The following ACER2 variants were observed in gnomAD, a reference collection of about 807,000 sequenced individuals.
ACER2 encodes alkCDase 2.
ACER2 carries 26 observed loss-of-function variants against 34.7 expected under a neutral mutation model. The ratio of observed to expected loss-of-function variants is 0.75; its 90% CI spans 0.55 to 1.04. The LOEUF (loss-of-function observed/expected upper bound fraction) is 1.04, where lower values mean the gene tolerates loss of function less well. ACER2 is among the 50% of genes least tolerant of loss of function. ACER2 has a pLI of 0.00. For missense variants in ACER2, 352 were observed against 340.8 expected, an observed-to-expected ratio of 1.03 and a Z score of -0.26; for synonymous variants, 138 against 132.1, an observed-to-expected ratio of 1.04 and a Z score of -0.31.
chr9:19,409,167 C>G lies in ACER2; in HGVS notation c.83C>G (p.Pro28Arg), dbSNP rs947646593. Residue 28 changes from proline (P) to arginine (R), a missense_variant, in exon 1 of 6, where the codon CCT becomes CGT. Transcript: ENST00000340967. ...DWCEDNYTIV[P>R]AIAEFYNTIS... ...TGCGAGGACAACTACACCATCGTGCCTGCTATCGCCGAGTTCTACAACACG... is the reference window on the plus strand; with the variant it reads ...TGCGAGGACAACTACACCATCGTGCGTGCTATCGCCGAGTTCTACAACACG... 1 of 1,602,882 alleles carries G rather than the reference C, an allele frequency of 6.2e-7. No individual in the cohort carries two copies. The highest frequency in any genetic ancestry group is 1.3e-5 in the African/African-American group (1 of 74,864).
intron 4 of ACER2, among the ~76,000 whole-genome samples, chr9:19,444,071 C>T (rs1054996287): frequency 3.3e-5 from 5 of 151,166 alleles, no homozygotes; most frequent in Middle Eastern, 3.4e-3. Flanking sequence ...CAGGGGTGTC[C>T]GCTCTTTTGG....
chr9:19,431,349 A>G (rs535961699), intron 3 of ACER2, among the ~76,000 whole-genome samples: 2 of 152,294 alleles, frequency 1.3e-5, no homozygotes, highest in African/African-American at 2.4e-5. Context: ...ATTTGAATGC[A>G]TATCGGTCTC....
intron 3 of ACER2, among the ~76,000 whole-genome samples, chr9:19,430,208 C>T (rs1206663723): frequency 6.9e-6 from 1 of 144,422 alleles, no homozygotes; most frequent in Non-Finnish European, 1.5e-5. Context: ...GGGACACAGG[C>T]TATAGGCTTG....
intron 4 of ACER2, 54 bp downstream of exon 4, chr9:19,435,138 C>A (rs1207074503): frequency 1.3e-6 from 2 of 1,591,098 alleles, no homozygotes; most frequent in Non-Finnish European, 1.7e-6. Flanking sequence ...GGGAACACAC[C>A]AGTTCGGGGC....
intron 1 of ACER2, among the ~76,000 whole-genome samples, chr9:19,412,961 C>T (rs1354529751): frequency 6.6e-6 from 1 of 152,150 alleles, no homozygotes; most frequent in Non-Finnish European, 1.5e-5. Flanking sequence ...TGAATATCCT[C>T]ATTCATGCAT....
chr9:19,436,166 C>T (rs1015637593), intron 4 of ACER2, among the ~76,000 whole-genome samples: 5 of 151,916 alleles, frequency 3.3e-5, no homozygotes, highest in Non-Finnish European at 7.4e-5. Flanking sequence ...GTCCTCTTGC[C>T]TCAGCGTCCC....
intron 4 of ACER2, among the ~76,000 whole-genome samples, chr9:19,441,740 G>T (rs1217581171): frequency 1.3e-5 from 2 of 152,144 alleles, no homozygotes; most frequent in African/African-American, 4.8e-5. Flanking sequence ...CAGGGACGGG[G>T]TCTCTTTTTT....
intron 1 of ACER2, among the ~76,000 whole-genome samples, chr9:19,419,472 G>C (rs1185582397): frequency 6.6e-6 from 1 of 152,066 alleles, no homozygotes. Flanking sequence ...GCAACAAAGT[G>C]AACCAACTAA....
intron 5 of ACER2, among the ~76,000 whole-genome samples, chr9:19,448,348 A>G (rs1831442794): frequency 6.6e-6 from 1 of 152,078 alleles, no homozygotes; most frequent in Admixed American, 6.6e-5. Context: ...TTAAATCTAT[A>G]CTACATAGAT....
chr9:19,426,264 TTCTTTCTTTC>T (rs1481166773), intron 3 of ACER2, among the ~76,000 whole-genome samples: 5 of 151,358 alleles, frequency 3.3e-5, no homozygotes, highest in African/African-American at 7.3e-5. Context: ...ATTAATCTCT[TTCTTTCTTTC>T]TCTTTCTTTC....
chr9:19,415,035 T>G (rs1373242194), intron 1 of ACER2, among the ~76,000 whole-genome samples: 1 of 152,174 alleles, frequency 6.6e-6, no homozygotes, highest in East Asian at 1.9e-4. Context: ...CTCCCACTAA[T>G]TTGTTCTTTT....
chr9:19,445,022 G>T (rs1268337241), intron 4 of ACER2, among the ~76,000 whole-genome samples: 1 of 152,202 alleles, frequency 6.6e-6, no homozygotes, highest in African/African-American at 2.4e-5. Context: ...ACACCTGTCT[G>T]TGGGTTCAAC....
At chr9:19,418,660 CAG>C (rs1830312125) in intron 1 of ACER2, among the ~76,000 whole-genome samples, 1 of 152,058 alleles carries the variant, frequency 6.6e-6, no homozygotes, top group African/African-American at 2.4e-5. Flanking sequence ...CACATGGACA[CAG>C]GGAGGGAAAC....
rs1362259733 is a variant in ACER2 at position 19,409,071 on chromosome 9, G to A, written c.-14G>A. 4 of 1,567,532 alleles carry A rather than the reference G, an allele frequency of 2.6e-6. No homozygotes were observed. The East Asian group carries it at 7.0e-5, about 28-fold the overall frequency. ...CAGCTGCGCGAGCAGCTGCTCCAAT[G>A]CCCCGGAGTGGCCATGGGCGCCCCG... On this transcript the variant is annotated 5_prime_UTR_variant, in exon 1 of 6. The change abolishes an upstream ATG in the 5' untranslated region. Coordinates refer to ENST00000340967, the MANE Select transcript of ACER2 (RefSeq NM_001010887.3).
chr9:19,442,606 T>C (rs951760724), intron 4 of ACER2, among the ~76,000 whole-genome samples: 2 of 152,228 alleles, frequency 1.3e-5, no homozygotes, highest in South Asian at 2.1e-4. Flanking sequence ...ATGCCCTCCA[T>C]GCAGGACATC....
At chr9:19,434,473 C>G (rs1181841739) in intron 3 of ACER2, among the ~76,000 whole-genome samples, 1 of 152,250 alleles carries the variant, frequency 6.6e-6, no homozygotes, top group Non-Finnish European at 1.5e-5. Flanking sequence ...TGCACTCCAG[C>G]CTGGGCGCCA....
chr9:19,432,861 T>A (rs2132498968), intron 3 of ACER2, among the ~76,000 whole-genome samples: 1 of 151,330 alleles, frequency 6.6e-6, no homozygotes, highest in East Asian at 1.9e-4. Flanking sequence ...CCCAAAGTGC[T>A]AGGATTACAG....
chr9:19,428,776 G>GTT (rs10569579), intron 3 of ACER2, among the ~76,000 whole-genome samples: 870 of 77,940 alleles, frequency 0.011, 49 homozygotes, highest in Non-Finnish European at 0.015. Context: ...GGACAAGTGG[G>GTT]TTTTTTTTTT....
At chr9:19,411,451 C>G (rs1205438625) in intron 1 of ACER2, among the ~76,000 whole-genome samples, 1 of 152,110 alleles carries the variant, frequency 6.6e-6, no homozygotes, top group African/African-American at 2.4e-5. Context: ...GTGGTGCGAT[C>G]TTGGCTCACT....
Sources: gnomAD v4.1 joint callset for allele counts (sites outside exome capture counted in the v4.1 genomes callset) on GRCh38, gnomAD v4.1.1 for gene constraint, MANE v1.5 for transcripts, NCBI Gene and HGNC (gene_info 2026-07-23, HGNC 2026-07-21) for gene names.